The following GALNTL6 variants were observed in gnomAD, a reference collection of about 807,000 sequenced individuals.
The protein encoded by GALNTL6 is polypeptide N-acetylgalactosaminyltransferase like 6.
In GALNTL6, 46 loss-of-function variants were observed where a neutral mutation model predicts 73.7. The ratio of observed to expected loss-of-function variants is 0.62; its 90% CI spans 0.49 to 0.80. The LOEUF (loss-of-function observed/expected upper bound fraction) is 0.80. Among genes scored for constraint, GALNTL6 ranks in the 30% least tolerant of loss-of-function variants. The pLI, the probability that GALNTL6 is intolerant of heterozygous loss-of-function variation, is 0.00. For synonymous variants in GALNTL6, 259 were observed against 263.7 expected, an observed-to-expected ratio of 0.98 and a Z score of 0.17; for missense variants, 604 against 755.0, an observed-to-expected ratio of 0.80 and a Z score of 2.34.
intron 5 of GALNTL6, among the ~76,000 whole-genome samples, chr4:172,531,545 G>T (rs1424405878): frequency 6.6e-6 from 1 of 152,196 alleles, no homozygotes; most frequent in African/African-American, 2.4e-5. Context: ...TCTTCCCACA[G>T]TTCACCACTG....
chr4:171,888,884 C>T (rs1339000069), intron 2 of GALNTL6, among the ~76,000 whole-genome samples: 3 of 151,994 alleles, frequency 2.0e-5, no homozygotes, highest in African/African-American at 7.2e-5. Flanking sequence ...TTAAAACATG[C>T]CAGTGTTTTA....
At chr4:172,586,077 C>T (rs528202765) in intron 5 of GALNTL6, among the ~76,000 whole-genome samples, 1 of 152,206 alleles carries the variant, frequency 6.6e-6, no homozygotes, top group East Asian at 1.9e-4. Flanking sequence ...TAAATTAGTT[C>T]GACCATTGTG....
intron 5 of GALNTL6, among the ~76,000 whole-genome samples, chr4:172,789,059 A>C (rs1244000714): frequency 6.6e-6 from 1 of 152,172 alleles, no homozygotes; most frequent in Non-Finnish European, 1.5e-5. Context: ...CTACACACCA[A>C]GTGGTAGACG....
chr4:171,821,562 G>A (rs1734684972), intron 2 of GALNTL6, among the ~76,000 whole-genome samples: 1 of 151,676 alleles, frequency 6.6e-6, no homozygotes, highest in Admixed American at 6.6e-5. Flanking sequence ...TAAAATGCAG[G>A]TGATGATACC....
intron 9 of GALNTL6, among the ~76,000 whole-genome samples, chr4:172,944,840 G>A (rs1169586483): frequency 6.6e-6 from 1 of 152,108 alleles, no homozygotes; most frequent in Non-Finnish European, 1.5e-5. Context: ...AGGATCACCT[G>A]AGGTCAGGAG....
At chr4:172,244,508 A>C (rs926761890) in intron 3 of GALNTL6, among the ~76,000 whole-genome samples, 12 of 152,176 alleles carry the variant, frequency 7.9e-5, no homozygotes, top group Admixed American at 7.9e-4. Flanking sequence ...TCCTATGGGC[A>C]AGTATGCATA....
intron 2 of GALNTL6, among the ~76,000 whole-genome samples, chr4:172,141,515 G>C (rs1733796402): frequency 6.6e-6 from 1 of 151,816 alleles, no homozygotes; most frequent in Non-Finnish European, 1.5e-5. Flanking sequence ...TGAGTAATTA[G>C]TTTAAGTCAA....
intron 5 of GALNTL6, among the ~76,000 whole-genome samples, chr4:172,606,479 CA>C (rs142221339): frequency 0.086 from 11,378 of 132,770 alleles, 627 homozygotes; most frequent in East Asian, 0.22. Context: ...ACAAAGAAAA[CA>C]AAAAAAAATA....
At chr4:172,213,633 C>T (rs1350332066) in intron 2 of GALNTL6, among the ~76,000 whole-genome samples, 1 of 152,008 alleles carries the variant, frequency 6.6e-6, no homozygotes, top group South Asian at 2.1e-4. Flanking sequence ...TGTTATTAAA[C>T]TTTAAGAGTT....
chr4:172,251,011 G>C (rs1482614379), intron 3 of GALNTL6, among the ~76,000 whole-genome samples: 1 of 151,938 alleles, frequency 6.6e-6, no homozygotes, highest in African/African-American at 2.4e-5. Flanking sequence ...AGGATGATGT[G>C]ACTAAAGCTT....
intron 2 of GALNTL6, among the ~76,000 whole-genome samples, chr4:172,024,589 G>T (rs1427991141): frequency 1.3e-5 from 2 of 151,776 alleles, no homozygotes; most frequent in Non-Finnish European, 1.5e-5. Flanking sequence ...AAACTTCTTG[G>T]TTTATGTAGA....
intron 2 of GALNTL6, among the ~76,000 whole-genome samples, chr4:172,212,424 G>A (rs913515356): frequency 9.9e-5 from 15 of 152,176 alleles, no homozygotes; most frequent in Middle Eastern, 3.4e-3. Context: ...CTCCCAAAGC[G>A]CTCAGATTAG....
Position 172,230,591 on chromosome 4 carries a change from A to G in GALNTL6, c.247+827A>G, listed in dbSNP as rs533165782. ...TGAGACTCCGTTTCAAAAAAAAAAA[A>G]GACAAAAAAGAATAAGTCTTTCTAG... On this transcript the variant is annotated intron_variant, in intron 3 of 12. Transcript: ENST00000506823. Among the ~76,000 whole-genome samples, 9 of 151,900 alleles carry G rather than the reference A, an allele frequency of 5.9e-5. No individual in the cohort carries two copies. In the South Asian group the frequency reaches 1.9e-3, roughly 32 times the overall value.
intron 5 of GALNTL6, among the ~76,000 whole-genome samples, chr4:172,402,669 G>GA (rs1411163136): frequency 5.3e-5 from 8 of 151,454 alleles, no homozygotes; most frequent in South Asian, 2.1e-4. Flanking sequence ...CGAATCTTGT[G>GA]AAAAAAAAGC....
chr4:172,288,127 C>A (rs4459957), intron 3 of GALNTL6, among the ~76,000 whole-genome samples: 2 of 150,452 alleles, frequency 1.3e-5, no homozygotes, highest in African/African-American at 2.5e-5. Flanking sequence ...TTTTCACTCT[C>A]TCTCCCAGGC....
At chr4:172,656,213 A>T (rs1731003658) in intron 5 of GALNTL6, among the ~76,000 whole-genome samples, 2 of 152,136 alleles carry the variant, frequency 1.3e-5, no homozygotes, top group Admixed American at 1.3e-4. Context: ...GCCGAAGTTC[A>T]ATCTGATTGG....
At chr4:172,394,359 C>G (rs1044226992) in intron 5 of GALNTL6, among the ~76,000 whole-genome samples, 2 of 151,458 alleles carry the variant, frequency 1.3e-5, no homozygotes, top group Non-Finnish European at 2.9e-5. Context: ...CACATGTGTT[C>G]CCAACTTCAA....
At chr4:171,962,675 TA>T in intron 2 of GALNTL6, among the ~76,000 whole-genome samples, 1 of 150,852 alleles carries the variant, frequency 6.6e-6, no homozygotes, top group Admixed American at 6.6e-5. Flanking sequence ...GAAATAACCA[TA>T]AAAATAGCCA....
intron 8 of GALNTL6, among the ~76,000 whole-genome samples, chr4:172,898,893 T>C (rs1746476998): frequency 6.6e-6 from 1 of 152,194 alleles, no homozygotes; most frequent in South Asian, 2.1e-4. Flanking sequence ...CATCAACCCC[T>C]GACCTAACCA....
Sources: gnomAD v4.1 joint callset for allele counts (sites outside exome capture counted in the v4.1 genomes callset) on GRCh38, gnomAD v4.1.1 for gene constraint, MANE v1.5 for transcripts, NCBI Gene and HGNC (gene_info 2026-07-23, HGNC 2026-07-21) for gene names.